Variants in FBXL17 observed in about 807,000 individuals in gnomAD.
FBXL17 encodes the protein F-box and leucine rich repeat protein 17, also known as F-box/LRR-repeat protein 17.
Under a neutral mutation model 66.2 loss-of-function variants are expected in FBXL17, and 22 were observed. The ratio of observed to expected loss-of-function variants is 0.33; its 90% CI spans 0.24 to 0.47. FBXL17 has a LOEUF of 0.47. FBXL17 is among the 20% of genes least tolerant of loss of function. The pLI, the probability that FBXL17 is intolerant of heterozygous loss-of-function variation, is 1.00. For missense variants in FBXL17, 878 were observed against 948.2 expected, an observed-to-expected ratio of 0.93 and a Z score of 0.97; for synonymous variants, 474 against 400.5, an observed-to-expected ratio of 1.18 and a Z score of -2.19.
At chr5:108,354,635 C>A (rs545203072) in intron 3 of FBXL17, among the ~76,000 whole-genome samples, 25 of 150,682 alleles carry the variant, frequency 1.7e-4, no homozygotes, top group African/African-American at 6.1e-4. Context: ...CCAAGAAGTT[C>A]AGAGAATACC....
chr5:108,211,083 T>C (rs1754350009), intron 5 of FBXL17, among the ~76,000 whole-genome samples: 1 of 152,236 alleles, frequency 6.6e-6, no homozygotes, highest in Non-Finnish European at 1.5e-5. Flanking sequence ...TTTGTCTCTT[T>C]TGATCTTTGT....
chr5:108,368,002 G>A lies in FBXL17; in HGVS notation c.994-49C>T. 1.3e-6 allele frequency: 2 copies of A among 1,494,686 alleles called. 1 individual carries two copies. Among genetic ancestry groups the A allele is most frequent in the South Asian group, 2.6e-5 (2 of 75,968 alleles). 92.6% of individuals were successfully genotyped at this position (1,494,686 alleles called of 1,614,324 possible). A position where few individuals can be genotyped will look rare whatever the true frequency, so the allele number is the denominator to read the frequency against. On this transcript the variant is annotated intron_variant, in intron 1 of 8. Transcript: ENST00000542267. ...ATAATATGTGCTAAACATTTTCAAG[G>A]CACAGGAAAAGGTTTTTATTAGTTA...
chr5:108,273,208 C>A (rs1219855188), intron 4 of FBXL17, among the ~76,000 whole-genome samples: 1 of 151,936 alleles, frequency 6.6e-6, no homozygotes, highest in African/African-American at 2.4e-5. Flanking sequence ...AGGACCGAGG[C>A]GGGATAGCAT....
intron 7 of FBXL17, among the ~76,000 whole-genome samples, chr5:107,964,752 T>C (rs1181380532): frequency 1.8e-4 from 28 of 152,148 alleles, no homozygotes; most frequent in Admixed American, 1.8e-3. Context: ...CACAACTATA[T>C]AGACAAAAGC....
chr5:108,378,326 G>T (rs1463562828), intron 1 of FBXL17, among the ~76,000 whole-genome samples: 2 of 100,622 alleles, frequency 2.0e-5, no homozygotes, highest in Non-Finnish European at 4.0e-5. Flanking sequence ...CCTCGTTTTT[G>T]TTTTTTGTTT....
intron 4 of FBXL17, among the ~76,000 whole-genome samples, chr5:108,249,661 A>C (rs1756260235): frequency 6.6e-6 from 1 of 152,138 alleles, no homozygotes; most frequent in African/African-American, 2.4e-5. Context: ...CGGGAATGTT[A>C]TCTTCTGGGT....
intron 4 of FBXL17, among the ~76,000 whole-genome samples, chr5:108,270,116 T>A (rs1258445465): frequency 4.0e-5 from 6 of 151,884 alleles, no homozygotes. Context: ...AAGTAAACAA[T>A]CTCCAGCATC....
chr5:108,082,467 T>C (rs530476870), intron 6 of FBXL17, among the ~76,000 whole-genome samples: 9 of 152,244 alleles, frequency 5.9e-5, no homozygotes, highest in African/African-American at 9.6e-5. Flanking sequence ...ATGTTTGTTA[T>C]TGTCATTGTT....
At chr5:108,161,226 T>C (rs1290991001) in intron 6 of FBXL17, among the ~76,000 whole-genome samples, 2 of 148,286 alleles carry the variant, frequency 1.3e-5, no homozygotes, top group Non-Finnish European at 3.0e-5. Flanking sequence ...CTCACACCTG[T>C]AATCCCAGCA....
At chr5:108,280,679 A>G (rs1276907079) in intron 4 of FBXL17, among the ~76,000 whole-genome samples, 1 of 151,960 alleles carries the variant, frequency 6.6e-6, no homozygotes, top group African/African-American at 2.4e-5. Flanking sequence ...GTTTACCTTG[A>G]ATGTAAATAG....
chr5:108,064,918 T>G (rs1461730990), intron 6 of FBXL17, among the ~76,000 whole-genome samples: 5 of 152,164 alleles, frequency 3.3e-5, no homozygotes, highest in Non-Finnish European at 7.3e-5. Context: ...CACTGCTTTT[T>G]AATTTTAGCT....
intron 6 of FBXL17, among the ~76,000 whole-genome samples, chr5:108,152,230 G>A (rs1299893521): frequency 1.3e-5 from 2 of 152,116 alleles, no homozygotes; most frequent in Non-Finnish European, 2.9e-5. Flanking sequence ...AAACATTAAT[G>A]CAATATGATG....
intron 7 of FBXL17, among the ~76,000 whole-genome samples, chr5:108,004,009 A>G (rs1403859535): frequency 6.6e-6 from 1 of 152,198 alleles, no homozygotes; most frequent in Non-Finnish European, 1.5e-5. Flanking sequence ...AAAAAGAAAC[A>G]CATAGGAAGA....
At chr5:107,920,535 A>T (rs770023293) in intron 7 of FBXL17, among the ~76,000 whole-genome samples, 7 of 152,218 alleles carry the variant, frequency 4.6e-5, no homozygotes, top group Non-Finnish European at 7.3e-5. Flanking sequence ...ATGAATTATC[A>T]GAAGGGATTG....
intron 5 of FBXL17, among the ~76,000 whole-genome samples, chr5:108,208,810 A>G (rs2150057970): frequency 1.3e-5 from 2 of 152,250 alleles, no homozygotes; most frequent in Middle Eastern, 6.8e-3. Flanking sequence ...TTTTGGTTCC[A>G]TATAAATTTT....
At chr5:107,889,731 G>A (rs1174257052) in intron 7 of FBXL17, among the ~76,000 whole-genome samples, 1 of 152,206 alleles carries the variant, frequency 6.6e-6, no homozygotes, top group Admixed American at 6.5e-5. Flanking sequence ...GTCAGTTCAA[G>A]TGAAGAATTT....
chr5:107,885,729 A>AAT (rs1449464100), intron 7 of FBXL17, among the ~76,000 whole-genome samples: 10 of 152,252 alleles, frequency 6.6e-5, no homozygotes, highest in African/African-American at 2.4e-4. Context: ...AATACATATT[A>AAT]ATCTGCTCAT....
chr5:108,171,562 G>C (rs952935391), intron 6 of FBXL17, among the ~76,000 whole-genome samples: 2 of 152,150 alleles, frequency 1.3e-5, no homozygotes, highest in African/African-American at 4.8e-5. Context: ...TCCCCACATA[G>C]GGCAGCTACA....
chr5:108,349,936 C>G (rs35372322), intron 3 of FBXL17, among the ~76,000 whole-genome samples: 1 of 152,080 alleles, frequency 6.6e-6, no homozygotes, highest in South Asian at 2.1e-4. Context: ...TTAGCAATAC[C>G]TAAGACTTTG....
Sources: gnomAD v4.1 joint callset for allele counts (sites outside exome capture counted in the v4.1 genomes callset) on GRCh38, gnomAD v4.1.1 for gene constraint, MANE v1.5 for transcripts, NCBI Gene and HGNC (gene_info 2026-07-23, HGNC 2026-07-21) for gene names.